ADGRB3: variants seen among roughly 807,000 people sequenced by gnomAD.
ADGRB3 encodes brain-specific angiogenesis inhibitor 3.
In ADGRB3, 37 loss-of-function variants were observed where a neutral mutation model predicts 193.4. That is an observed-to-expected ratio of 0.19 (90% CI 0.15 to 0.25). ADGRB3 has a LOEUF of 0.25. ADGRB3 is among the 10% of genes least tolerant of loss of function. ADGRB3 has a pLI of 1.00. For synonymous variants in ADGRB3, 690 were observed against 644.2 expected, an observed-to-expected ratio of 1.07 and a Z score of -1.08; for missense variants, 1,637 against 1,852.9, an observed-to-expected ratio of 0.88 and a Z score of 2.14.
chr6:69,377,615 G>T (rs540589942), intron 30 of ADGRB3, among the ~76,000 whole-genome samples: 4 of 151,924 alleles, frequency 2.6e-5, no homozygotes, highest in Non-Finnish European at 4.4e-5. Flanking sequence ...ACAGAAACTG[G>T]TTTCTAATTC....
At chr6:69,093,631 G>A (rs142173792) in intron 17 of ADGRB3, among the ~76,000 whole-genome samples, 1 of 150,702 alleles carries the variant, frequency 6.6e-6, no homozygotes, top group Non-Finnish European at 1.5e-5. Context: ...GAGATGGGTG[G>A]GGAGCCCAGG....
chr6:68,978,282 T>A (rs1259074578), intron 10 of ADGRB3, among the ~76,000 whole-genome samples: 3 of 150,758 alleles, frequency 2.0e-5, no homozygotes, highest in Non-Finnish European at 4.5e-5. Context: ...TATAGATAAA[T>A]TAGATATGGA....
At chr6:69,271,087 A>T (rs781240429) in intron 20 of ADGRB3, among the ~76,000 whole-genome samples, 2 of 152,192 alleles carry the variant, frequency 1.3e-5, no homozygotes, top group African/African-American at 2.4e-5. Context: ...AACTCTCCAG[A>T]ATTGTTCTGT....
Position 68,841,756 on chromosome 6 carries a change from A to T in ADGRB3, c.758-88803A>T, listed in dbSNP as rs775560976. On this transcript the variant is annotated intron_variant, in intron 3 of 31. Coordinates refer to ENST00000370598, the MANE Select transcript of ADGRB3 (RefSeq NM_001704.3). ...TAATAGAAGAAAAGAAGTAATAAAG[A>T]CTCACGAAAGGAAAGACTTCACATG... Among the ~76,000 whole-genome samples the T allele has an allele frequency of 3.5e-4, 53 of 152,050 alleles. 1 individual carries two copies. Among genetic ancestry groups the T allele is most frequent in the Admixed American group, 2.0e-4 (3 of 15,268 alleles).
At chr6:69,140,041 T>A (rs1561931635) in intron 17 of ADGRB3, among the ~76,000 whole-genome samples, 2 of 152,210 alleles carry the variant, frequency 1.3e-5, no homozygotes, top group Non-Finnish European at 2.9e-5. Flanking sequence ...GTAGCCTAGA[T>A]AATTCACTGA....
At chr6:68,883,628 G>A (rs185592814) in intron 3 of ADGRB3, among the ~76,000 whole-genome samples, 5 of 151,942 alleles carry the variant, frequency 3.3e-5, no homozygotes, top group African/African-American at 9.7e-5. Flanking sequence ...CAGAGGCACT[G>A]CCTTAAAAGC....
chr6:68,840,868 C>A (rs1338679332), intron 3 of ADGRB3, among the ~76,000 whole-genome samples: 3 of 152,006 alleles, frequency 2.0e-5, no homozygotes, highest in Admixed American at 2.0e-4. Flanking sequence ...ATACACTACA[C>A]CTGTAATTAA....
At chr6:69,111,519 C>A (rs986616885) in intron 17 of ADGRB3, among the ~76,000 whole-genome samples, 18 of 152,166 alleles carry the variant, frequency 1.2e-4, no homozygotes, top group African/African-American at 4.3e-4. Context: ...AGTACGGAAG[C>A]CTCATAGAGA....
intron 3 of ADGRB3, among the ~76,000 whole-genome samples, chr6:68,671,658 T>C (rs372651516): frequency 2.6e-5 from 4 of 152,262 alleles, no homozygotes; most frequent in African/African-American, 7.2e-5. Flanking sequence ...TTTGATTTGC[T>C]AAGATTTTGT....
intron 17 of ADGRB3, among the ~76,000 whole-genome samples, chr6:69,086,350 T>G (rs1195768265): frequency 6.6e-6 from 1 of 152,188 alleles, no homozygotes; most frequent in Admixed American, 6.5e-5. Flanking sequence ...TGTTCAGATG[T>G]TTTTTGATAC....
At chr6:68,891,736 C>T (rs555645692) in intron 3 of ADGRB3, among the ~76,000 whole-genome samples, 1 of 152,244 alleles carries the variant, frequency 6.6e-6, no homozygotes, top group Non-Finnish European at 1.5e-5. Context: ...AGTTGTTCAA[C>T]TGGCTCCTGA....
intron 3 of ADGRB3, among the ~76,000 whole-genome samples, chr6:68,925,041 C>T (rs867354886): frequency 2.0e-5 from 3 of 151,568 alleles, no homozygotes; most frequent in Admixed American, 1.3e-4. Context: ...GTAAAATATC[C>T]GTTTAAAAAT....
intron 20 of ADGRB3, among the ~76,000 whole-genome samples, chr6:69,288,244 G>A (rs1318054708): frequency 3.3e-5 from 5 of 152,052 alleles, no homozygotes; most frequent in African/African-American, 1.2e-4. Context: ...TCCCCTCCCT[G>A]TGTCCATGTG....
intron 3 of ADGRB3, among the ~76,000 whole-genome samples, chr6:68,772,105 A>G (rs182920091): frequency 1.3e-5 from 2 of 152,276 alleles, no homozygotes; most frequent in East Asian, 3.9e-4. Context: ...TAAACCAGGT[A>G]ATCAGTTAGG....
At chr6:69,041,515 A>C (rs1303627352) in intron 13 of ADGRB3, among the ~76,000 whole-genome samples, 2 of 152,184 alleles carry the variant, frequency 1.3e-5, no homozygotes, top group African/African-American at 4.8e-5. Flanking sequence ...TGATACATAA[A>C]ATCACATTGC....
chr6:69,371,169 CA>C (rs1769698599), intron 29 of ADGRB3, among the ~76,000 whole-genome samples: 1 of 152,100 alleles, frequency 6.6e-6, no homozygotes, highest in Non-Finnish European at 1.5e-5. Context: ...AGGAATTTTT[CA>C]CTTAAAACAT....
intron 17 of ADGRB3, among the ~76,000 whole-genome samples, chr6:69,169,579 A>T (rs1229763030): frequency 2.7e-5 from 4 of 150,532 alleles, no homozygotes; most frequent in Admixed American, 2.7e-4. Flanking sequence ...ATTTAATTAT[A>T]AATTAAATGA....
chr6:69,048,388 T>C, intron 14 of ADGRB3, 54 bp downstream of exon 14: 1 of 1,523,190 alleles, frequency 6.6e-7, no homozygotes, highest in Non-Finnish European at 9.0e-7. Flanking sequence ...TAAGGTCATT[T>C]AATTAGAAAT....
chr6:69,172,471 G>T (rs1462190446), intron 17 of ADGRB3, among the ~76,000 whole-genome samples: 1 of 151,060 alleles, frequency 6.6e-6, no homozygotes, highest in Non-Finnish European at 1.5e-5. Flanking sequence ...GTGAAACCCC[G>T]TCTCTACTAA....
Sources: allele counts gnomAD v4.1 joint callset (sites outside exome capture counted in the v4.1 genomes callset), GRCh38; gene constraint gnomAD v4.1.1; transcripts MANE v1.5; gene names NCBI Gene and HGNC (gene_info 2026-07-23, HGNC 2026-07-21).